DPP10: variants seen among roughly 807,000 people sequenced by gnomAD.
DPP10 encodes dipeptidyl peptidase like 10.
DPP10 carries 33 observed loss-of-function variants against 120.9 expected under a neutral mutation model. The observed-to-expected ratio is 0.27, with a 90% confidence interval of 0.21 to 0.37. The LOEUF (loss-of-function observed/expected upper bound fraction) is 0.37. Among genes scored for constraint, DPP10 ranks in the 10% least tolerant of loss-of-function variants. The pLI is 1.00. For missense variants in DPP10, 816 were observed against 942.8 expected (o/e 0.87, Z 1.76); for synonymous variants, 337 against 326.1 (o/e 1.03, Z -0.36).
intron 12 of DPP10, among the ~76,000 whole-genome samples, chr2:115,767,955 T>C (rs1010701194): frequency 2.0e-5 from 3 of 152,190 alleles, no homozygotes; most frequent in African/African-American, 7.2e-5. Context: ...TCTTTATCTT[T>C]GAAGGATATT....
At chr2:115,163,560 C>T (rs1430674619) in intron 1 of DPP10, among the ~76,000 whole-genome samples, 2 of 152,208 alleles carry the variant, frequency 1.3e-5, no homozygotes, top group Admixed American at 1.3e-4. Context: ...TCCTCCTAAT[C>T]CCCAGCACAC....
intron 1 of DPP10, among the ~76,000 whole-genome samples, chr2:114,965,147 CTTTT>C (rs1177878159): frequency 6.6e-6 from 1 of 151,554 alleles, no homozygotes; most frequent in Non-Finnish European, 1.5e-5. Context: ...TTCTTTCTTT[CTTTT>C]TTTTGGACGG....
intron 3 of DPP10, among the ~76,000 whole-genome samples, chr2:115,435,245 G>A (rs970188464): frequency 1.3e-5 from 2 of 151,596 alleles, no homozygotes; most frequent in African/African-American, 2.4e-5. Context: ...TAGTTTTCTG[G>A]GGAAGGAACA....
At chr2:115,432,974 G>A (rs1055009190) in intron 3 of DPP10, among the ~76,000 whole-genome samples, 1 of 151,958 alleles carries the variant, frequency 6.6e-6, no homozygotes, top group South Asian at 2.1e-4. Context: ...AGTGATCCAA[G>A]TGCCTTGTCA....
chr2:115,260,560 G>A (rs1368019363), intron 1 of DPP10, among the ~76,000 whole-genome samples: 2 of 152,196 alleles, frequency 1.3e-5, no homozygotes, highest in African/African-American at 4.8e-5. Flanking sequence ...AAAAATCTCA[G>A]TGAGAAGTAC....
At chr2:114,751,104 T>C (rs1679176165) in intron 1 of DPP10, among the ~76,000 whole-genome samples, 1 of 152,174 alleles carries the variant, frequency 6.6e-6, no homozygotes, top group South Asian at 2.1e-4. Flanking sequence ...ACAAGTCGTT[T>C]TGCATGTGCG....
At chr2:115,052,154 C>T (rs1232904427) in intron 1 of DPP10, among the ~76,000 whole-genome samples, 1 of 152,084 alleles carries the variant, frequency 6.6e-6, no homozygotes, top group Non-Finnish European at 1.5e-5. Context: ...GGGCCGCTAT[C>T]TCTCACTACA....
At chr2:115,497,884 T>G (rs189273908) in intron 3 of DPP10, among the ~76,000 whole-genome samples, 1 of 152,152 alleles carries the variant, frequency 6.6e-6, no homozygotes, top group Non-Finnish European at 1.5e-5. Flanking sequence ...AATAAATATT[T>G]ATTGTTTATG....
intron 1 of DPP10, among the ~76,000 whole-genome samples, chr2:114,978,556 A>G (rs975667575): frequency 6.6e-6 from 1 of 152,162 alleles, no homozygotes; most frequent in Non-Finnish European, 1.5e-5. Context: ...AACAGACAAG[A>G]CACTACTCTT....
At chr2:115,664,214 T>C (rs2089255157) in intron 5 of DPP10, among the ~76,000 whole-genome samples, 1 of 151,960 alleles carries the variant, frequency 6.6e-6, no homozygotes, top group African/African-American at 2.4e-5. Flanking sequence ...CTGAAAAACA[T>C]TTTCAATTTG....
chr2:115,828,046 C>T (rs912109028), intron 21 of DPP10, among the ~76,000 whole-genome samples: 1 of 152,030 alleles, frequency 6.6e-6, no homozygotes, highest in Admixed American at 6.6e-5. Flanking sequence ...TGAAGAACAT[C>T]CTTTAAATTA....
chr2:115,595,943 A>G (rs376084783), intron 5 of DPP10, among the ~76,000 whole-genome samples: 162 of 152,196 alleles, frequency 1.1e-3, no homozygotes, highest in African/African-American at 3.9e-3. Context: ...TTTATTTATT[A>G]CAGTGTTGAC....
chr2:114,512,519 C>T (rs1381717753), intron 1 of DPP10, among the ~76,000 whole-genome samples: 1 of 152,180 alleles, frequency 6.6e-6, no homozygotes, highest in African/African-American at 2.4e-5. Flanking sequence ...TCGATTTTCT[C>T]ATCTGTAAAA....
At chr2:115,388,970 A>G (rs1406136247) in intron 3 of DPP10, among the ~76,000 whole-genome samples, 9 of 152,174 alleles carry the variant, frequency 5.9e-5, no homozygotes, top group Non-Finnish European at 1.2e-4. Flanking sequence ...GCCTGGAATC[A>G]CAGCAAAAGT....
chr2:115,662,403 T>C (rs2089064981), intron 5 of DPP10, among the ~76,000 whole-genome samples: 1 of 151,292 alleles, frequency 6.6e-6, no homozygotes, highest in South Asian at 2.1e-4. Flanking sequence ...TGTTGTATCA[T>C]AAGATAGCTC....
At chr2:115,336,754 G>T (rs13403512) in intron 2 of DPP10, among the ~76,000 whole-genome samples, 29,590 of 151,634 alleles carry the variant, frequency 0.2, 3,219 homozygotes, top group East Asian at 0.35. Context: ...ATTGATTTTA[G>T]AATTTCTTTC....
At chr2:114,697,382 A>G (rs1263938360) in intron 1 of DPP10, among the ~76,000 whole-genome samples, 1 of 152,074 alleles carries the variant, frequency 6.6e-6, no homozygotes, top group Non-Finnish European at 1.5e-5. Context: ...GAATGCTCTA[A>G]GTTAGTAAAT....
At chr2:114,709,703 A>G (rs1574015743) in intron 1 of DPP10, among the ~76,000 whole-genome samples, 1 of 152,354 alleles carries the variant, frequency 6.6e-6, no homozygotes, top group East Asian at 1.9e-4. Context: ...GAGCTGATTG[A>G]TAAAGCAAAA....
intron 5 of DPP10, among the ~76,000 whole-genome samples, chr2:115,587,765 G>A (rs1443524885): frequency 1.3e-5 from 2 of 152,140 alleles, no homozygotes; most frequent in African/African-American, 2.4e-5. Flanking sequence ...ACATTTTAAT[G>A]TCTTTCCATA....
Sources: gnomAD v4.1 joint callset for allele counts (sites outside exome capture counted in the v4.1 genomes callset) on GRCh38, gnomAD v4.1.1 for gene constraint, MANE v1.5 for transcripts, NCBI Gene and HGNC (gene_info 2026-07-23, HGNC 2026-07-21) for gene names.